Variants in PCSK6 observed in about 807,000 individuals in gnomAD.
PCSK6 encodes the protein paired basic amino acid cleaving enzyme 4.
In PCSK6, 85 loss-of-function variants were observed where a neutral mutation model predicts 123.3. The ratio of observed to expected loss-of-function variants is 0.69; its 90% CI spans 0.58 to 0.83. The LOEUF (loss-of-function observed/expected upper bound fraction) is 0.83. PCSK6 is among the 40% of genes least tolerant of loss of function. PCSK6 has a pLI of 0.00. For synonymous variants in PCSK6, 508 were observed against 516.0 expected (o/e 0.98, Z 0.21); for missense variants, 1,191 against 1,282.3 (o/e 0.93, Z 1.09).
intron 13 of PCSK6, chr15:101,346,912 T>C: frequency 8.1e-7 from 1 of 1,231,664 alleles, no homozygotes; most frequent in Non-Finnish European, 1.0e-6. Flanking sequence ...GATACATACT[T>C]CTTTTTTTCT....
intron 13 of PCSK6, among the ~76,000 whole-genome samples, chr15:101,353,247 C>T (rs997717714): frequency 2.0e-5 from 3 of 152,148 alleles, no homozygotes; most frequent in South Asian, 2.1e-4. Flanking sequence ...TCATAAGGAG[C>T]GTGCAACCTA....
At chr15:101,374,180 A>G (rs6598457) in intron 11 of PCSK6, among the ~76,000 whole-genome samples, 5,407 of 152,108 alleles carry the variant, frequency 0.036, 286 homozygotes, top group African/African-American at 0.12. Flanking sequence ...TTCATCCCAA[A>G]TGCTCTCCAC....
rs2141293489 is a variant in PCSK6, at chr15:101,489,658, C to T, written c.13G>A (p.Ala5Thr). MPPR[A>T]PPAPGPRPPP... ...GGCCGGGGCCCGGGCGCAGGCGGCG[C>T]GCGCGGAGGCATAGCGGCGACAGGC... Residue 5 changes from alanine to threonine, a missense_variant, in exon 1 of 22, where the codon GCG becomes ACG. Coordinates refer to ENST00000611716, the MANE Select transcript of PCSK6 (RefSeq NM_002570.5). 2 of 976,344 alleles carry T rather than the reference C, an allele frequency of 2.0e-6. No homozygotes were observed. Among genetic ancestry groups the T allele is most frequent in the Non-Finnish European group, 2.4e-6 (2 of 825,496 alleles). The allele number at this position is 976,344 out of a possible 1,614,324, so 60.5% of individuals were successfully genotyped here.
At chr15:101,330,051 G>C (rs1336321371) in intron 15 of PCSK6, among the ~76,000 whole-genome samples, 1 of 152,304 alleles carries the variant, frequency 6.6e-6, no homozygotes. Context: ...GGAGTCCCTG[G>C]GGTGGCCTCC....
intron 8 of PCSK6, among the ~76,000 whole-genome samples, chr15:101,390,283 T>C (rs2042189560): frequency 2.0e-5 from 3 of 152,280 alleles, no homozygotes; most frequent in Admixed American, 1.3e-4. Context: ...GTATCTCCCG[T>C]TGGACTCAAA....
chr15:101,379,746 C>T (rs182205293), intron 11 of PCSK6, among the ~76,000 whole-genome samples: 18 of 152,302 alleles, frequency 1.2e-4, no homozygotes, highest in South Asian at 1.0e-3. Context: ...TTTTCATTTT[C>T]GGCCACGTGA....
chr15:101,453,054 T>C (rs929366213), intron 1 of PCSK6, among the ~76,000 whole-genome samples: 1 of 152,224 alleles, frequency 6.6e-6, no homozygotes, highest in African/African-American at 2.4e-5. Context: ...TTAGCCCCTT[T>C]CCCAAATAAA....
At chr15:101,463,589 A>C (rs1479916318) in intron 1 of PCSK6, among the ~76,000 whole-genome samples, 1 of 152,146 alleles carries the variant, frequency 6.6e-6, no homozygotes, top group African/African-American at 2.4e-5. Flanking sequence ...TCTTCAAATA[A>C]ATCCTCACGA....
intron 13 of PCSK6, among the ~76,000 whole-genome samples, chr15:101,335,198 G>T (rs763989518): frequency 6.6e-6 from 1 of 152,168 alleles, no homozygotes; most frequent in Non-Finnish European, 1.5e-5. Flanking sequence ...GAGCTCAAGC[G>T]ATCCTCCCAC....
At chr15:101,409,399 C>T (rs990800143) in intron 6 of PCSK6, among the ~76,000 whole-genome samples, 52 of 152,126 alleles carry the variant, frequency 3.4e-4, no homozygotes, top group Non-Finnish European at 6.0e-4. Context: ...TCCTGGCTAA[C>T]ACAGTGAAAC....
chr15:101,351,713 GT>G (rs11333907), intron 13 of PCSK6, among the ~76,000 whole-genome samples: 33,587 of 152,040 alleles, frequency 0.22, 3,916 homozygotes, highest in South Asian at 0.3. Context: ...AGCACTAGTT[GT>G]TAAATATTTA....
rs764939616 is a variant in PCSK6, at chr15:101,313,436, G to T, written c.2639C>A (p.Ala880Asp). The T allele has an allele frequency of 1.2e-6, 2 of 1,612,454 alleles. No individual in the cohort carries two copies. Among genetic ancestry groups the T allele is most frequent in the South Asian group, 2.2e-5 (2 of 91,088 alleles). Reference sequence around the variant, plus strand: ...TTCTGGGTAGAAGCCCTCACCACAGGCTGGCACACACTTCCAGTCGTGGAA... The same window carrying T: ...TTCTGGGTAGAAGCCCTCACCACAGTCTGGCACACACTTCCAGTCGTGGAA... ...FHFHDWKCVPACGEGFYPEEM... is the reference protein window; with the variant it reads ...FHFHDWKCVPDCGEGFYPEEM... The change falls in exon 20 of 22, where the codon GCC (alanine) becomes GAC (aspartate). Residue 880 changes from alanine to aspartate, a missense_variant. By Grantham distance (126) the Ala-to-Asp change is moderately radical. Around this residue, in one of 3 missense-constraint regions of PCSK6, gnomAD observed 630 missense variants for 631.4 expected, o/e 1.00. Coordinates refer to ENST00000611716, the MANE Select transcript of PCSK6 (RefSeq NM_002570.5).
At position 101,464,825 on chromosome 15, in the gene PCSK6, C is replaced by T. The variant is rs77041192; in HGVS notation, c.298-21165G>A. Among the ~76,000 whole-genome samples, 1,373 of 152,262 alleles carry T rather than the reference C, an allele frequency of 9.0e-3. 18 individuals carry two copies. Among genetic ancestry groups the T allele is most frequent in the African/African-American group, 0.028 (1,165 of 41,556 alleles). On this transcript the variant is annotated intron_variant, in intron 1 of 21. Coordinates refer to ENST00000611716, the MANE Select transcript of PCSK6 (RefSeq NM_002570.5). ...CCTAAAGAAGTCCATGGAGGCTGTC[C>T]GCTCTATCCCGCCGGTGACAAGGGA...
intron 12 of PCSK6, among the ~76,000 whole-genome samples, chr15:101,368,295 A>G (rs1331981772): frequency 6.6e-6 from 1 of 152,130 alleles, no homozygotes; most frequent in Non-Finnish European, 1.5e-5. Context: ...GGGAGAGGGG[A>G]GGCTGGGGCA....
At chr15:101,402,786 G>T (rs1246594822) in intron 6 of PCSK6, among the ~76,000 whole-genome samples, 1 of 152,176 alleles carries the variant, frequency 6.6e-6, no homozygotes. Context: ...TGCTGGAGAG[G>T]ATGTGGAGAA....
intron 20 of PCSK6, among the ~76,000 whole-genome samples, chr15:101,310,404 C>T (rs551488455): frequency 1.2e-4 from 19 of 152,266 alleles, no homozygotes; most frequent in Non-Finnish European, 2.1e-4. Context: ...AGTTGCACAG[C>T]TGTGGGCATG....
At chr15:101,479,514 G>A (rs953949527) in intron 1 of PCSK6, among the ~76,000 whole-genome samples, 15 of 152,168 alleles carry the variant, frequency 9.9e-5, no homozygotes, top group East Asian at 5.8e-4. Context: ...GCCCGGCCTC[G>A]GCTGTGGCCA....
chr15:101,326,986 G>A (rs1013843502), intron 15 of PCSK6, among the ~76,000 whole-genome samples: 1 of 152,202 alleles, frequency 6.6e-6, no homozygotes, highest in African/African-American at 2.4e-5. Flanking sequence ...ACTCGCTGTG[G>A]TGGGAATGGG....
intron 13 of PCSK6, among the ~76,000 whole-genome samples, chr15:101,349,014 A>G (rs982817630): frequency 1.3e-5 from 2 of 152,202 alleles, no homozygotes; most frequent in African/African-American, 4.8e-5. Flanking sequence ...CAAAAGCACC[A>G]CAGTTCTGAC....
Sources: allele counts gnomAD v4.1 joint callset (sites outside exome capture counted in the v4.1 genomes callset), GRCh38; gene constraint gnomAD v4.1.1; regional missense constraint gnomAD v4.1.1; transcripts MANE v1.5; gene names NCBI Gene and HGNC (gene_info 2026-07-23, HGNC 2026-07-21).